MGAT4C: variants seen among roughly 807,000 people sequenced by gnomAD.
The protein encoded by MGAT4C is alpha-1,3-mannosyl-glycoprotein 4-beta-N-acetylglucosaminyltransferase C.
A neutral mutation model predicts 40.1 loss-of-function variants in MGAT4C; 19 were observed. The observed-to-expected ratio is 0.47, with a 90% confidence interval of 0.33 to 0.70. The LOEUF (loss-of-function observed/expected upper bound fraction) is 0.70. MGAT4C is among the 30% of genes least tolerant of loss of function. MGAT4C has a pLI of 0.02. For missense variants in MGAT4C, 491 were observed against 563.2 expected (o/e 0.87, Z 1.30); for synonymous variants, 181 against 187.1 (o/e 0.97, Z 0.27).
intron 1 of MGAT4C, among the ~76,000 whole-genome samples, chr12:86,812,379 G>C (rs1273737940): frequency 6.6e-6 from 1 of 151,982 alleles, no homozygotes; most frequent in Non-Finnish European, 1.5e-5. Context: ...AATTCTCTCA[G>C]TTGTTAAGTG....
chr12:86,082,091 G>GAATC (rs1190398663), intron 1 of MGAT4C, among the ~76,000 whole-genome samples: 2 of 152,116 alleles, frequency 1.3e-5, no homozygotes, highest in Non-Finnish European at 2.9e-5. Flanking sequence ...GAAACACTGT[G>GAATC]AATCATGCAT....
intron 3 of MGAT4C, among the ~76,000 whole-genome samples, chr12:86,395,813 T>C (rs1406278261): frequency 1.3e-5 from 2 of 152,152 alleles, no homozygotes; most frequent in Non-Finnish European, 2.9e-5. Flanking sequence ...CAGTGATACA[T>C]TGTATGGATG....
chr12:86,586,735 T>TG (rs1961059022), intron 2 of MGAT4C, among the ~76,000 whole-genome samples: 1 of 151,140 alleles, frequency 6.6e-6, no homozygotes, highest in Admixed American at 6.6e-5. Context: ...GTTGTTTGGC[T>TG]GCATAAATGT....
intron 1 of MGAT4C, among the ~76,000 whole-genome samples, chr12:86,216,078 A>G (rs142144754): frequency 1.3e-5 from 2 of 152,244 alleles, no homozygotes; most frequent in African/African-American, 4.8e-5. Context: ...ACTCCAGGAG[A>G]CTAGGACTCC....
chr12:86,133,418 TAAATGAGTTTTTTGATAAAGCACTGC>T (rs1302941750), intron 1 of MGAT4C, among the ~76,000 whole-genome samples: 5 of 152,178 alleles, frequency 3.3e-5, no homozygotes, highest in African/African-American at 1.2e-4. Context: ...CATTTTAGAG[TAAATGAGTTTTTTGATAAAGCACTGC>T]AAATTTAAGA....
chr12:86,611,395 G>C (rs1962262052), intron 2 of MGAT4C, among the ~76,000 whole-genome samples: 1 of 150,898 alleles, frequency 6.6e-6, no homozygotes, highest in African/African-American at 2.5e-5. Context: ...TAGATAGGTA[G>C]GTAGGTAGGT....
intron 1 of MGAT4C, among the ~76,000 whole-genome samples, chr12:86,100,671 T>C (rs997222076): frequency 1.3e-5 from 2 of 151,546 alleles, no homozygotes; most frequent in African/African-American, 4.8e-5. Context: ...TAAATGTGCA[T>C]ACATTTAAAA....
chr12:86,569,909 T>C (rs750677404), intron 2 of MGAT4C, among the ~76,000 whole-genome samples: 14 of 152,094 alleles, frequency 9.2e-5, no homozygotes, highest in African/African-American at 1.2e-4. Context: ...ACAATATGGA[T>C]GAACCTGGAG....
chr12:86,133,411 T>G (rs1881520607), intron 1 of MGAT4C, among the ~76,000 whole-genome samples: 1 of 152,198 alleles, frequency 6.6e-6, no homozygotes, highest in African/African-American at 2.4e-5. Flanking sequence ...TTGGAAGCAT[T>G]TTAGAGTAAA....
chr12:86,471,647 G>A (rs1242635223), intron 2 of MGAT4C, among the ~76,000 whole-genome samples: 2 of 152,070 alleles, frequency 1.3e-5, no homozygotes, highest in African/African-American at 4.8e-5. Context: ...TCCGTGATGT[G>A]AGAAAATTTT....
chr12:86,792,913 A>G (rs1353553583), intron 1 of MGAT4C, among the ~76,000 whole-genome samples: 1 of 152,216 alleles, frequency 6.6e-6, no homozygotes, highest in African/African-American at 2.4e-5. Context: ...CCTGGACAAC[A>G]GAGTGAAAAA....
At chr12:86,792,010 A>G (rs1400694866) in intron 1 of MGAT4C, among the ~76,000 whole-genome samples, 1 of 152,210 alleles carries the variant, frequency 6.6e-6, no homozygotes, top group East Asian at 1.9e-4. Context: ...TTTCTTTATT[A>G]ACAATAACAT....
intron 2 of MGAT4C, among the ~76,000 whole-genome samples, chr12:86,658,553 T>A (rs1963902262): frequency 6.6e-6 from 1 of 152,108 alleles, no homozygotes; most frequent in Non-Finnish European, 1.5e-5. Context: ...AAAAGAATTA[T>A]TTTCTCTGTA....
rs1011065896 is a variant in MGAT4C, at chr12:85,960,529, A to G, written c.*18760T>C. 5.9e-5 allele frequency: 9 copies of G among 151,978 alleles called. No individual in the cohort carries two copies. Among genetic ancestry groups the G allele is most frequent in the Non-Finnish European group, 1.2e-4 (8 of 67,880 alleles). 9.4% of individuals were successfully genotyped at this position (151,978 alleles called of 1,614,324 possible). Reference sequence around the variant, plus strand: ...CTCTCAGCAAATCAATTAATCCTTCATTCTTTTTTTCTCCCCTTACTCCTT... The same window carrying G: ...CTCTCAGCAAATCAATTAATCCTTCGTTCTTTTTTTCTCCCCTTACTCCTT... On this transcript the variant is annotated 3_prime_UTR_variant, in exon 5 of 5. Coordinates refer to ENST00000611864, the MANE Select transcript of MGAT4C (RefSeq NM_001351288.2).
intron 1 of MGAT4C, among the ~76,000 whole-genome samples, chr12:86,177,758 C>T (rs954256353): frequency 6.6e-6 from 1 of 151,798 alleles, no homozygotes; most frequent in Non-Finnish European, 1.5e-5. Context: ...CGATTATATC[C>T]CTTTCTACTA....
chr12:86,243,657 T>C (rs1592564064), intron 1 of MGAT4C, among the ~76,000 whole-genome samples: 1 of 152,116 alleles, frequency 6.6e-6, no homozygotes, highest in Admixed American at 6.5e-5. Flanking sequence ...ATCCTACTGA[T>C]GGCCATCAGG....
intron 1 of MGAT4C, among the ~76,000 whole-genome samples, chr12:86,152,528 A>ATGGTTTCACAT (rs1364408944): frequency 6.6e-6 from 1 of 152,132 alleles, no homozygotes; most frequent in Non-Finnish European, 1.5e-5. Context: ...TGTACTGGTG[A>ATGGTTTCACAT]TTCAGTTTCA....
intron 3 of MGAT4C, among the ~76,000 whole-genome samples, chr12:86,394,495 A>C (rs1956213382): frequency 7.1e-6 from 1 of 140,178 alleles, no homozygotes; most frequent in Non-Finnish European, 1.6e-5. Flanking sequence ...TATACTTTAT[A>C]TATATATTTT....
chr12:86,001,274 C>T (rs1324523084), intron 2 of MGAT4C, among the ~76,000 whole-genome samples: 1 of 152,160 alleles, frequency 6.6e-6, no homozygotes, highest in Non-Finnish European at 1.5e-5. Flanking sequence ...GCTATAAATT[C>T]CAACTTGTCT....
Sources: gnomAD v4.1 joint callset for allele counts (sites outside exome capture counted in the v4.1 genomes callset) on GRCh38, gnomAD v4.1.1 for gene constraint, MANE v1.5 for transcripts, NCBI Gene and HGNC (gene_info 2026-07-23, HGNC 2026-07-21) for gene names.